Variants in AOAH observed in about 807,000 individuals in gnomAD.
The protein encoded by AOAH is acyloxyacyl hydrolase (neutrophil).
A neutral mutation model predicts 92.2 loss-of-function variants in AOAH; 64 were observed. The ratio of observed to expected loss-of-function variants is 0.69; its 90% CI spans 0.57 to 0.86. The LOEUF (loss-of-function observed/expected upper bound fraction) is 0.86, where lower values mean the gene tolerates loss of function less well. AOAH is among the 40% of genes least tolerant of loss of function. The pLI, the probability that AOAH is intolerant of heterozygous loss-of-function variation, is 0.00. For missense variants in AOAH, 656 were observed against 694.6 expected (o/e 0.94, Z 0.62); for synonymous variants, 263 against 254.5 (o/e 1.03, Z -0.32).
At chr7:36,596,500 G>C (rs1268037881) in intron 11 of AOAH, among the ~76,000 whole-genome samples, 16 of 152,128 alleles carry the variant, frequency 1.1e-4, no homozygotes, top group Admixed American at 1.0e-3. Context: ...ACTGGAATAA[G>C]ATGGGCCCCC....
chr7:36,669,827 T>G (rs1039527337), intron 3 of AOAH, among the ~76,000 whole-genome samples: 2 of 152,326 alleles, frequency 1.3e-5, no homozygotes, highest in Admixed American at 6.5e-5. Context: ...GCTCCTGGGC[T>G]TAGGACATAA....
intron 6 of AOAH, among the ~76,000 whole-genome samples, chr7:36,623,652 C>G (rs1433546055): frequency 1.3e-5 from 2 of 152,194 alleles, no homozygotes; most frequent in African/African-American, 2.4e-5. Context: ...TAAAATTTTA[C>G]TCTTTTCAAT....
At chr7:36,559,004 C>G (rs574114769) in intron 13 of AOAH, among the ~76,000 whole-genome samples, 1 of 152,376 alleles carries the variant, frequency 6.6e-6, no homozygotes, top group East Asian at 1.9e-4. Flanking sequence ...CACTGTCTGG[C>G]ACTCCCTAGT....
chr7:36,540,561 TA>T, intron 15 of AOAH, 70 bp from the exon 16 acceptor site: 4 of 1,344,412 alleles, frequency 3.0e-6, no homozygotes, highest in Non-Finnish European at 4.2e-6. Context: ...TGCACGCAAA[TA>T]CAAGATACAT....
chr7:36,600,655 C>G (rs1014269936), intron 11 of AOAH, among the ~76,000 whole-genome samples: 1 of 151,420 alleles, frequency 6.6e-6, no homozygotes, highest in African/African-American at 2.4e-5. Flanking sequence ...TAGAGCAGGC[C>G]GGGTCAGCAC....
intron 1 of AOAH, among the ~76,000 whole-genome samples, chr7:36,693,536 T>A (rs533619474): frequency 6.6e-6 from 1 of 152,202 alleles, no homozygotes; most frequent in Non-Finnish European, 1.5e-5. Flanking sequence ...TGAAATTATT[T>A]TTTTGATCAC....
intron 13 of AOAH, among the ~76,000 whole-genome samples, chr7:36,550,852 C>T (rs191727423): frequency 3.9e-4 from 59 of 152,174 alleles, no homozygotes; most frequent in African/African-American, 1.4e-3. Context: ...TCTTCCAGTT[C>T]CACGTGGGAA....
intron 8 of AOAH, among the ~76,000 whole-genome samples, 189 bp downstream of exon 8, chr7:36,621,521 T>C (rs1424970038): frequency 6.6e-6 from 1 of 152,236 alleles, no homozygotes; most frequent in African/African-American, 2.4e-5. Context: ...TGTAGGTCCC[T>C]GATAAGCATT....
chr7:36,694,648 T>A (rs1215612731), intron 1 of AOAH, among the ~76,000 whole-genome samples: 1 of 152,208 alleles, frequency 6.6e-6, no homozygotes, highest in Admixed American at 6.5e-5. Flanking sequence ...TTTACTTCAT[T>A]CAAGTTATAA....
chr7:36,514,583 C>T, intron 20 of AOAH: 2 of 1,535,368 alleles, frequency 1.3e-6, no homozygotes, highest in South Asian at 1.2e-5. Context: ...GAGGAGGATG[C>T]TCTTTCTCTG....
rs775761869 is a variant in AOAH at position 36,549,464 on chromosome 7, G to A, written c.1033C>T (p.Arg345Ter). ...CTTTCTATAAATTTCTTCAGGTTTC[G>A]GGAAGATGCACCTGAATAATTAAAA... ...QNISRNGASSRNLKKFIESLS... is the reference protein window; with the variant it reads ...QNISRNGASS Residue 345 changes from arginine (R) to a stop codon, truncating the protein, a stop_gained, in exon 14 of 21, where the codon CGA becomes TGA. Coordinates refer to ENST00000617537, the MANE Select transcript of AOAH (RefSeq NM_001637.4). LOFTEE classifies it high-confidence loss of function. The A allele has an allele frequency of 8.8e-6, 14 of 1,593,672 alleles. No individual in the cohort carries two copies. Among genetic ancestry groups the A allele is most frequent in the Admixed American group, 3.4e-5 (2 of 58,968 alleles).
intron 4 of AOAH, among the ~76,000 whole-genome samples, chr7:36,642,768 T>C (rs564008676): frequency 5.4e-4 from 83 of 152,350 alleles, no homozygotes; most frequent in South Asian, 3.1e-3. Context: ...ATTAAACCAT[T>C]TGGATGTGAG....
chr7:36,708,056 A>C (rs1015157673), intron 1 of AOAH, among the ~76,000 whole-genome samples: 1 of 151,916 alleles, frequency 6.6e-6, no homozygotes, highest in African/African-American at 2.4e-5. Context: ...GCCTCTCAAA[A>C]TGTTGGGATT....
chr7:36,519,660 C>A (rs770393594), intron 20 of AOAH, among the ~76,000 whole-genome samples: 2 of 152,206 alleles, frequency 1.3e-5, no homozygotes, highest in Non-Finnish European at 2.9e-5. Context: ...GAACTCCCGA[C>A]CTCAGGTGAT....
chr7:36,707,232 C>T (rs1276001763), intron 1 of AOAH, among the ~76,000 whole-genome samples: 1 of 151,790 alleles, frequency 6.6e-6, no homozygotes, highest in African/African-American at 2.4e-5. Flanking sequence ...ATTGTTTTGT[C>T]TCAGGGAATA....
chr7:36,641,127 C>G (rs1343689804), intron 4 of AOAH, among the ~76,000 whole-genome samples: 1 of 152,188 alleles, frequency 6.6e-6, no homozygotes, highest in East Asian at 1.9e-4. Context: ...ACCCAGAGGT[C>G]AAGCACCTCA....
At chr7:36,557,322 C>T (rs1396802910) in intron 13 of AOAH, among the ~76,000 whole-genome samples, 1 of 152,250 alleles carries the variant, frequency 6.6e-6, no homozygotes, top group East Asian at 1.9e-4. Flanking sequence ...CCCCACTCTC[C>T]TCTGGCTTGT....
At chr7:36,527,013 T>C (rs28599909) in intron 19 of AOAH, among the ~76,000 whole-genome samples, 1 of 152,224 alleles carries the variant, frequency 6.6e-6, no homozygotes, top group African/African-American at 2.4e-5. Context: ...GTCAGCCAAG[T>C]GGCATTTTCT....
intron 12 of AOAH, among the ~76,000 whole-genome samples, chr7:36,588,872 A>G (rs979007252): frequency 6.6e-6 from 1 of 152,172 alleles, no homozygotes; most frequent in African/African-American, 2.4e-5. Flanking sequence ...CAATATGCCA[A>G]ATTTAAGCTG....
Sources: allele counts gnomAD v4.1 joint callset (sites outside exome capture counted in the v4.1 genomes callset), GRCh38; gene constraint gnomAD v4.1.1; transcripts MANE v1.5; gene names NCBI Gene and HGNC (gene_info 2026-07-23, HGNC 2026-07-21).